SGMS1: variants seen among roughly 807,000 people sequenced by gnomAD.
The protein encoded by SGMS1 is phosphatidylcholine:ceramide cholinephosphotransferase 1.
Under a neutral mutation model 46.2 loss-of-function variants are expected in SGMS1, and 13 were observed. That is an observed-to-expected ratio of 0.28 (90% confidence interval 0.18 to 0.45). SGMS1 has a LOEUF of 0.45. SGMS1 is among the 20% of genes least tolerant of loss of function. The probability of loss-of-function intolerance (pLI) is 1.00; values close to 1 mark genes in which losing one functional copy is unlikely to be tolerated. For missense variants in SGMS1, 324 were observed against 519.9 expected (o/e 0.62, Z 3.66); for synonymous variants, 203 against 187.8 (o/e 1.08, Z -0.66).
intron 3 of SGMS1, among the ~76,000 whole-genome samples, chr10:50,509,140 A>G (rs896616057): frequency 2.0e-5 from 3 of 152,208 alleles, no homozygotes; most frequent in East Asian, 3.8e-4. Flanking sequence ...TCTTATACAT[A>G]TTGTTGAGAT....
chr10:50,546,053 A>G (rs1838098100), intron 2 of SGMS1, among the ~76,000 whole-genome samples: 1 of 152,190 alleles, frequency 6.6e-6, no homozygotes, highest in African/African-American at 2.4e-5. Context: ...AAGTCTAAAT[A>G]CTTCTAAATT....
At chr10:50,551,227 T>C (rs956480790) in intron 2 of SGMS1, among the ~76,000 whole-genome samples, 4 of 151,862 alleles carry the variant, frequency 2.6e-5, no homozygotes, top group Non-Finnish European at 5.9e-5. Flanking sequence ...ACTCTAGATA[T>C]AATACGATGA....
intron 6 of SGMS1, among the ~76,000 whole-genome samples, chr10:50,401,853 G>A (rs1459981450): frequency 6.6e-6 from 1 of 152,134 alleles, no homozygotes; most frequent in Non-Finnish European, 1.5e-5. Flanking sequence ...TTCCCTTGTC[G>A]TATTCATTTA....
At chr10:50,587,150 C>T (rs1305128293) in intron 2 of SGMS1, among the ~76,000 whole-genome samples, 2 of 152,166 alleles carry the variant, frequency 1.3e-5, no homozygotes, top group Non-Finnish European at 2.9e-5. Context: ...AGCAAGGGTA[C>T]AGTTGACCCT....
chr10:50,532,010 G>C (rs11006054), intron 2 of SGMS1, among the ~76,000 whole-genome samples: 1 of 151,976 alleles, frequency 6.6e-6, no homozygotes, highest in African/African-American at 2.4e-5. Context: ...CACACAGAAG[G>C]CCCTTGAATA....
chr10:50,353,301 C>T (rs756656737), intron 6 of SGMS1, among the ~76,000 whole-genome samples: 19 of 152,386 alleles, frequency 1.2e-4, no homozygotes, highest in African/African-American at 2.4e-4. Flanking sequence ...AATCAATAAA[C>T]GTAATCCAGC....
chr10:50,514,387 C>G (rs1837784246), intron 3 of SGMS1, among the ~76,000 whole-genome samples: 1 of 152,130 alleles, frequency 6.6e-6, no homozygotes, highest in Non-Finnish European at 1.5e-5. Flanking sequence ...GAAAAAGAAC[C>G]ATAGTTCCCG....
Position 50,589,610 on chromosome 10 carries a change from C to G in SGMS1, c.-589+543G>C, listed in dbSNP as rs186010599. ...TCAGCCTGCTGAATAGCTGGGACCA[C>G]AGGTGTGCACCACCACACCCAGCTA... is the stretch of plus-strand genomic sequence containing the variant. On this transcript the variant is annotated intron_variant, in intron 2 of 10. Transcript: ENST00000361781. 7.2e-5 allele frequency among the ~76,000 whole-genome samples: 11 copies of G among 152,276 alleles called. No individual in the cohort carries two copies. The East Asian group carries it at 2.1e-3, about 29-fold the overall frequency.
At chr10:50,342,665 T>C (rs1365389204) in intron 7 of SGMS1, 1 of 152,192 alleles carries the variant, frequency 6.6e-6, no homozygotes, top group East Asian at 1.9e-4. Flanking sequence ...GAAACTCAGC[T>C]CTTTAACAAA....
chr10:50,422,748 C>A (rs1038161169), intron 6 of SGMS1, among the ~76,000 whole-genome samples: 1 of 152,168 alleles, frequency 6.6e-6, no homozygotes, highest in Non-Finnish European at 1.5e-5. Flanking sequence ...ATTCATAAAT[C>A]CTAGAACTGT....
At chr10:50,524,590 C>G (rs1837884601) in intron 2 of SGMS1, among the ~76,000 whole-genome samples, 1 of 152,132 alleles carries the variant, frequency 6.6e-6, no homozygotes, top group Non-Finnish European at 1.5e-5. Flanking sequence ...TGGATGGGCA[C>G]TTAACATGTA....
Position 50,516,700 on chromosome 10 carries a change from T to C in SGMS1, c.-498+3131A>G, listed in dbSNP as rs1269409472. On this transcript the variant is annotated intron_variant, in intron 3 of 10. Coordinates refer to ENST00000361781, the MANE Select transcript of SGMS1 (RefSeq NM_147156.4). ...AGGTGAAATAAAGGAAAGTAATAAA[T>C]TGATAAAGAGTACTTAGAGACAACT... Among the ~76,000 whole-genome samples, 3 of 152,196 alleles carry C rather than the reference T, an allele frequency of 2.0e-5. No homozygotes were observed. The East Asian group carries it at 5.8e-4, about 29-fold the overall frequency.
At chr10:50,582,789 T>C (rs761830270) in intron 2 of SGMS1, among the ~76,000 whole-genome samples, 2 of 152,226 alleles carry the variant, frequency 1.3e-5, no homozygotes, top group Non-Finnish European at 2.9e-5. Flanking sequence ...CCAGGCCTAC[T>C]TTCTAGTGCT....
chr10:50,601,810 A>AT (rs1838652570), intron 1 of SGMS1, among the ~76,000 whole-genome samples: 1 of 152,234 alleles, frequency 6.6e-6, no homozygotes, highest in Non-Finnish European at 1.5e-5. Context: ...ATACCTAATG[A>AT]GATATTTTGG....
At chr10:50,445,525 T>TA (rs1332378716) in intron 5 of SGMS1, among the ~76,000 whole-genome samples, 1 of 152,176 alleles carries the variant, frequency 6.6e-6, no homozygotes, top group Non-Finnish European at 1.5e-5. Context: ...TATAATTTCT[T>TA]ACGCCTGTCT....
chr10:50,507,343 C>T (rs1454876095), intron 3 of SGMS1, among the ~76,000 whole-genome samples: 2 of 152,200 alleles, frequency 1.3e-5, no homozygotes, highest in African/African-American at 4.8e-5. Context: ...TGAGTTCACA[C>T]AACAAGCCCC....
chr10:50,378,110 T>C (rs1364349977), intron 6 of SGMS1, among the ~76,000 whole-genome samples: 1 of 152,224 alleles, frequency 6.6e-6, no homozygotes, highest in African/African-American at 2.4e-5. Flanking sequence ...GGAGCCATAA[T>C]TCAAGAGCAG....
rs1838527162 is a variant in SGMS1 at position 50,590,179 on chromosome 10, T to C, written c.-615A>G. 1 of 152,362 alleles carries C rather than the reference T, an allele frequency of 6.6e-6. No homozygotes were observed. The highest frequency in any genetic ancestry group is 2.4e-5 in the African/African-American group (1 of 41,468). 9.4% of individuals were successfully genotyped at this position (152,362 alleles called of 1,614,324 possible). A position where few individuals can be genotyped will look rare whatever the true frequency, so the allele number is the denominator to read the frequency against. ...TTTCAAATGATGGCTGTCTTCTTTCTCCTGATCAAAAATGAATGACTAAAT... is the reference window on the plus strand; with the variant it reads ...TTTCAAATGATGGCTGTCTTCTTTCCCCTGATCAAAAATGAATGACTAAAT... On this transcript the variant is annotated 5_prime_UTR_variant, in exon 2 of 11. Transcript: ENST00000361781.
At position 50,495,077 on chromosome 10, in the gene SGMS1, A is replaced by T. The variant is rs201216265; in HGVS notation, c.-498+24754T>A. Among the ~76,000 whole-genome samples, 3 of 145,236 alleles carry T rather than the reference A, an allele frequency of 2.1e-5. 1 individual carries two copies. On this transcript the variant is annotated intron_variant, in intron 3 of 10. Coordinates refer to ENST00000361781, the MANE Select transcript of SGMS1 (RefSeq NM_147156.4). ...TAAAAAAAAATACAAAAAATACAAA[A>T]AAAAAAAAAAATTAGCCGGACGTGC... is the stretch of plus-strand genomic sequence containing the variant.
Sources: gnomAD v4.1 joint callset for allele counts (sites outside exome capture counted in the v4.1 genomes callset) on GRCh38, gnomAD v4.1.1 for gene constraint, MANE v1.5 for transcripts, NCBI Gene and HGNC (gene_info 2026-07-23, HGNC 2026-07-21) for gene names.